Variants in NKAIN2 observed in about 807,000 individuals in gnomAD.
The protein encoded by NKAIN2 is sodium/potassium-transporting ATPase subunit beta-1-interacting protein 2.
A neutral mutation model predicts 32.6 loss-of-function variants in NKAIN2; 14 were observed. The observed-to-expected ratio is 0.43, with a 90% CI of 0.28 to 0.67. The LOEUF is 0.67. NKAIN2 is among the 30% of genes least tolerant of loss of function. NKAIN2 has a pLI of 0.17. For synonymous variants in NKAIN2, 80 were observed against 87.2 expected, an observed-to-expected ratio of 0.92 and a Z score of 0.46; for missense variants, 198 against 258.3, an observed-to-expected ratio of 0.77 and a Z score of 1.60.
intron 3 of NKAIN2, among the ~76,000 whole-genome samples, chr6:124,508,036 T>C (rs540545341): frequency 3.3e-4 from 50 of 151,572 alleles, no homozygotes; most frequent in African/African-American, 1.1e-3. Context: ...AAGGATCACT[T>C]GAGTCCAGGA....
chr6:124,825,633 A>G lies in NKAIN2; in HGVS notation c.*2404A>G, dbSNP rs1470433356. 6.6e-6 allele frequency: 1 copy of G among 152,554 alleles called. No homozygotes were observed. The highest frequency in any genetic ancestry group is 1.5e-5 in the Non-Finnish European group (1 of 68,038). 9.5% of individuals were successfully genotyped at this position (152,554 alleles called of 1,614,324 possible). A position where few individuals can be genotyped will look rare whatever the true frequency, so the allele number is the denominator to read the frequency against. On this transcript the variant is annotated 3_prime_UTR_variant, in exon 7 of 7. Coordinates refer to ENST00000368417, the MANE Select transcript of NKAIN2 (RefSeq NM_001040214.3). ...TTGCATTTTAAAAATAAATGGAAAAATACTTAAGTTTCTGAGCCATCCCTG... is the reference window on the plus strand; with the variant it reads ...TTGCATTTTAAAAATAAATGGAAAAGTACTTAAGTTTCTGAGCCATCCCTG...
At chr6:124,756,014 A>G (rs1043119735) in intron 4 of NKAIN2, among the ~76,000 whole-genome samples, 14 of 148,988 alleles carry the variant, frequency 9.4e-5, no homozygotes, top group Non-Finnish European at 2.1e-4. Flanking sequence ...TGGCACAGAC[A>G]ATACTTATTA....
At chr6:124,750,890 C>G (rs1294875889) in intron 4 of NKAIN2, among the ~76,000 whole-genome samples, 3 of 151,898 alleles carry the variant, frequency 2.0e-5, no homozygotes, top group Non-Finnish European at 4.4e-5. Flanking sequence ...GCACTCAGGA[C>G]AAGGCTCTAA....
At chr6:124,073,659 C>T (rs941400365) in intron 1 of NKAIN2, among the ~76,000 whole-genome samples, 1 of 152,044 alleles carries the variant, frequency 6.6e-6, no homozygotes, top group East Asian at 1.9e-4. Context: ...ACTTTCTACC[C>T]TTCTAAGTTA....
intron 4 of NKAIN2, among the ~76,000 whole-genome samples, chr6:124,677,440 C>A (rs1773417645): frequency 1.3e-5 from 2 of 151,884 alleles, no homozygotes; most frequent in Non-Finnish European, 1.5e-5. Context: ...TACAGTCTAT[C>A]TTTATGTTTC....
At chr6:123,989,078 G>A (rs918528791) in intron 1 of NKAIN2, among the ~76,000 whole-genome samples, 2 of 152,138 alleles carry the variant, frequency 1.3e-5, no homozygotes, top group Admixed American at 6.6e-5. Context: ...ATGCTACTGT[G>A]TAGTGGATTT....
chr6:123,883,201 G>A (rs1773532185), intron 1 of NKAIN2, among the ~76,000 whole-genome samples: 1 of 152,060 alleles, frequency 6.6e-6, no homozygotes, highest in African/African-American at 2.4e-5. Context: ...CTGGAGTACA[G>A]TGGCGTGAAC....
At chr6:124,533,525 G>C (rs1406857565) in intron 3 of NKAIN2, among the ~76,000 whole-genome samples, 3 of 149,630 alleles carry the variant, frequency 2.0e-5, no homozygotes, top group Non-Finnish European at 4.4e-5. Flanking sequence ...TTGGGGCAGG[G>C]GAGATGACGG....
At chr6:124,271,408 G>A (rs974413999) in intron 1 of NKAIN2, among the ~76,000 whole-genome samples, 9 of 152,140 alleles carry the variant, frequency 5.9e-5, no homozygotes, top group Non-Finnish European at 1.0e-4. Flanking sequence ...AGTAGAGATG[G>A]TGTTTCACCA....
At chr6:124,121,978 T>A in intron 1 of NKAIN2, 1 of 702,586 alleles carries the variant, frequency 1.4e-6, no homozygotes, top group Non-Finnish European at 2.1e-6. Flanking sequence ...CATTTGTGTC[T>A]ACAGGGTAAT....
chr6:124,602,574 A>G (rs937991010), intron 3 of NKAIN2, among the ~76,000 whole-genome samples: 1 of 151,960 alleles, frequency 6.6e-6, no homozygotes, highest in African/African-American at 2.4e-5. Context: ...TGGAAAGACA[A>G]AATACTTGAA....
intron 6 of NKAIN2, chr6:124,819,125 T>C: frequency 2.1e-6 from 2 of 974,216 alleles, no homozygotes; most frequent in Non-Finnish European, 2.4e-6. Context: ...AAATTCTATA[T>C]ATCAGCATCA....
At chr6:124,714,831 A>C (rs1178784557) in intron 4 of NKAIN2, among the ~76,000 whole-genome samples, 1 of 152,174 alleles carries the variant, frequency 6.6e-6, no homozygotes, top group Non-Finnish European at 1.5e-5. Context: ...CTGACAGGCT[A>C]TTTCCAAGAA....
At chr6:124,415,586 A>G (rs1454118585) in intron 3 of NKAIN2, among the ~76,000 whole-genome samples, 1 of 152,120 alleles carries the variant, frequency 6.6e-6, no homozygotes, top group Admixed American at 6.5e-5. Context: ...TTGAGAATCA[A>G]TTTTACCTTC....
In NKAIN2 at chr6:124,725,610, A is replaced by C. The variant is rs191756638; in HGVS notation, c.475-65729A>C. On this transcript the variant is annotated intron_variant, in intron 4 of 6. Coordinates refer to ENST00000368417, the MANE Select transcript of NKAIN2 (RefSeq NM_001040214.3). ...TTTCCTTTAAAGCAAGAGTCTTCCA[A>C]ATGATACAGTGGGGTAATATGCTGA... Among the ~76,000 whole-genome samples the C allele has an allele frequency of 3.5e-3, 526 of 152,268 alleles. 4 individuals carry two copies. The highest frequency in any genetic ancestry group is 6.9e-3 in the Admixed American group (105 of 15,296).
At chr6:124,135,482 T>C (rs539044540) in intron 1 of NKAIN2, among the ~76,000 whole-genome samples, 1 of 138,782 alleles carries the variant, frequency 7.2e-6, no homozygotes, top group South Asian at 2.3e-4. Flanking sequence ...GCTATTCTTA[T>C]ATCACACAAA....
intron 4 of NKAIN2, among the ~76,000 whole-genome samples, chr6:124,779,349 AAGGAAG>A (rs1779153821): frequency 6.7e-6 from 1 of 148,598 alleles, no homozygotes; most frequent in Non-Finnish European, 1.5e-5. Context: ...GGAAGGAAGG[AAGGAAG>A]GAAGGAAGGA....
At chr6:124,378,657 G>A (rs1248813699) in intron 3 of NKAIN2, among the ~76,000 whole-genome samples, 1 of 152,162 alleles carries the variant, frequency 6.6e-6, no homozygotes, top group African/African-American at 2.4e-5. Context: ...AGGCCCTTCA[G>A]GTTAATAATT....
rs537004422 is a variant in NKAIN2 at position 124,414,703 on chromosome 6, T to C, written c.273+59356T>C. ...ATAGATATAGGTTTATTTGGTTTTC[T>C]ATTTCTTCTTAACTGAGTTTTGATA... On this transcript the variant is annotated intron_variant, in intron 3 of 6. Transcript: ENST00000368417. Among the ~76,000 whole-genome samples, 84 of 152,314 alleles carry C rather than the reference T, an allele frequency of 5.5e-4. 1 individual carries two copies. In the South Asian group the frequency reaches 0.013, roughly 24 times the overall value.
Sources: gnomAD v4.1 joint callset for allele counts (sites outside exome capture counted in the v4.1 genomes callset) on GRCh38, gnomAD v4.1.1 for gene constraint, MANE v1.5 for transcripts, NCBI Gene and HGNC (gene_info 2026-07-23, HGNC 2026-07-21) for gene names.